Variants in LPP observed in about 807,000 individuals in gnomAD.
LPP encodes the protein LIM domain containing preferred translocation partner in lipoma, also known as lipoma-preferred partner.
LPP carries 38 observed loss-of-function variants against 60.4 expected under a neutral mutation model. The ratio of observed to expected loss-of-function variants is 0.63; its 90% CI spans 0.49 to 0.83. LPP has a LOEUF of 0.83. Ranked by LOEUF, LPP falls within the 40% of genes least tolerant of loss-of-function variation. The pLI is 0.00. For missense variants in LPP, 902 were observed against 783.6 expected (o/e 1.15, Z -1.80); for synonymous variants, 328 against 290.8 (o/e 1.13, Z -1.30).
chr3:188,754,061 A>C (rs545054094), intron 8 of LPP, among the ~76,000 whole-genome samples: 1 of 152,214 alleles, frequency 6.6e-6, no homozygotes, highest in African/African-American at 2.4e-5. Flanking sequence ...GTGAGAACTC[A>C]GTTTGATGTA....
In LPP at chr3:188,876,642, A is replaced by G. The variant is rs1281023953; in HGVS notation, c.*2163A>G. 5.1e-6 allele frequency: 1 copy of G among 196,730 alleles called. No homozygotes were observed. Among genetic ancestry groups the G allele is most frequent in the African/African-American group, 2.3e-5 (1 of 43,278 alleles). 12.2% of individuals were successfully genotyped at this position (196,730 alleles called of 1,614,324 possible). ...TTGAATTTTGACTTAGTAACTTTTT[A>G]TGTAATACTTTCGGAGAAATTCTCT... On this transcript the variant is annotated 3_prime_UTR_variant, in exon 12 of 12. Coordinates refer to ENST00000617246, the MANE Select transcript of LPP (RefSeq NM_001375462.1).
intron 4 of LPP, among the ~76,000 whole-genome samples, chr3:188,462,584 ATGCATGTGTG>A (rs1406275770): frequency 7.5e-4 from 15 of 20,042 alleles, no homozygotes; most frequent in Non-Finnish European, 1.1e-3. Flanking sequence ...ATATATATAT[ATGCATGTGTG>A]TGTGTGTGTG....
intron 8 of LPP, among the ~76,000 whole-genome samples, chr3:188,753,041 A>G (rs1281650459): frequency 1.3e-5 from 2 of 152,214 alleles, no homozygotes; most frequent in Non-Finnish European, 2.9e-5. Flanking sequence ...ATACTGATAT[A>G]GGTCAGAGTT....
chr3:188,299,184 G>A (rs1230440802), intron 2 of LPP, among the ~76,000 whole-genome samples: 1 of 152,162 alleles, frequency 6.6e-6, no homozygotes, highest in African/African-American at 2.4e-5. Context: ...CTCTCCCTGG[G>A]CTTTTTTGTG....
intron 10 of LPP, among the ~76,000 whole-genome samples, chr3:188,868,659 A>G (rs12632821): frequency 0.73 from 111,328 of 152,188 alleles, 41,908 homozygotes; most frequent in East Asian, 1. Flanking sequence ...CAAAGCAGCT[A>G]AAAGTCCAGC....
intron 3 of LPP, among the ~76,000 whole-genome samples, chr3:188,353,103 T>A (rs1327620679): frequency 1.3e-5 from 2 of 152,214 alleles, no homozygotes; most frequent in Non-Finnish European, 2.9e-5. Context: ...CATGCTTTTT[T>A]TGGAGTACTG....
At chr3:188,229,087 C>G (rs1406590582) in intron 2 of LPP, among the ~76,000 whole-genome samples, 2 of 152,206 alleles carry the variant, frequency 1.3e-5, no homozygotes, top group Non-Finnish European at 2.9e-5. Context: ...AGTCCTGCAG[C>G]TAGATCTGCA....
At chr3:188,515,962 A>G (rs2150084744) in intron 5 of LPP, among the ~76,000 whole-genome samples, 1 of 152,352 alleles carries the variant, frequency 6.6e-6, no homozygotes, top group South Asian at 2.1e-4. Context: ...AAGGTTGGGT[A>G]TCATGGCTTT....
intron 6 of LPP, among the ~76,000 whole-genome samples, chr3:188,565,928 G>C (rs573354863): frequency 6.6e-6 from 1 of 151,914 alleles, no homozygotes; most frequent in African/African-American, 2.4e-5. Context: ...TCTATTTACC[G>C]TAAAGAGAGG....
chr3:188,800,718 C>T (rs1382035875), intron 9 of LPP, among the ~76,000 whole-genome samples: 4 of 152,080 alleles, frequency 2.6e-5, no homozygotes, highest in Non-Finnish European at 5.9e-5. Flanking sequence ...TGAGCATGTT[C>T]CATCTTTTAA....
intron 9 of LPP, among the ~76,000 whole-genome samples, chr3:188,804,245 A>T (rs1365362129): frequency 3.7e-4 from 19 of 52,000 alleles, no homozygotes; most frequent in African/African-American, 1.2e-3. Context: ...GTGCATCTTT[A>T]TATATATATA....
chr3:188,887,533 T>A lies in LPP; in HGVS notation c.*13054T>A, dbSNP rs1484459509. 20 of 216,410 alleles carry A rather than the reference T, an allele frequency of 9.2e-5. No homozygotes were observed. The Admixed American group carries it at 9.3e-4, about 10-fold the overall frequency. The allele number at this position is 216,410 out of a possible 1,614,324, so 13.4% of individuals were successfully genotyped here. On this transcript the variant is annotated 3_prime_UTR_variant, in exon 12 of 12. Coordinates refer to ENST00000617246, the MANE Select transcript of LPP (RefSeq NM_001375462.1). ...CAAATAATAAATGGGGAGTTGGTATTTGGGCAGAGTTTGCATTTTACTAAT... is the reference window on the plus strand; with the variant it reads ...CAAATAATAAATGGGGAGTTGGTATATGGGCAGAGTTTGCATTTTACTAAT...
chr3:188,864,470 G>C (rs1352887126), intron 9 of LPP, among the ~76,000 whole-genome samples: 1 of 152,210 alleles, frequency 6.6e-6, no homozygotes, highest in Non-Finnish European at 1.5e-5. Context: ...TTAAAGTCTG[G>C]TAGAGGAAAT....
At chr3:188,844,776 G>A (rs115304268) in intron 9 of LPP, among the ~76,000 whole-genome samples, 3,987 of 152,288 alleles carry the variant, frequency 0.026, 88 homozygotes, top group Middle Eastern at 0.099. Context: ...TGGCTACATT[G>A]CCTGGACTTT....
intron 7 of LPP, among the ~76,000 whole-genome samples, chr3:188,707,157 T>A (rs1411302814): frequency 6.6e-6 from 1 of 152,172 alleles, no homozygotes; most frequent in Admixed American, 6.6e-5. Flanking sequence ...ATTTATTTTT[T>A]AATTTTTTTT....
chr3:188,184,341 A>G (rs762538854), intron 1 of LPP, among the ~76,000 whole-genome samples: 2 of 152,124 alleles, frequency 1.3e-5, no homozygotes, highest in Non-Finnish European at 2.9e-5. Context: ...GAACTTTCCC[A>G]CAAGGAGCTC....
intron 1 of LPP, among the ~76,000 whole-genome samples, chr3:188,204,859 A>C (rs183514935): frequency 4.8e-4 from 73 of 152,338 alleles, no homozygotes; most frequent in Admixed American, 4.3e-3. Flanking sequence ...TGAGTTTCAA[A>C]GATTTCTGAG....
At chr3:188,377,877 G>A (rs915763524) in intron 3 of LPP, among the ~76,000 whole-genome samples, 23 of 152,040 alleles carry the variant, frequency 1.5e-4, no homozygotes, top group Non-Finnish European at 2.8e-4. Flanking sequence ...CATACAGGTG[G>A]GTTTTTGGTG....
chr3:188,456,141 C>T (rs1797686440), intron 4 of LPP, among the ~76,000 whole-genome samples: 1 of 152,170 alleles, frequency 6.6e-6, no homozygotes, highest in Admixed American at 6.5e-5. Flanking sequence ...CTTTCGCCTC[C>T]CCAACCACTG....
Sources: allele counts gnomAD v4.1 joint callset (sites outside exome capture counted in the v4.1 genomes callset), GRCh38; gene constraint gnomAD v4.1.1; transcripts MANE v1.5; gene names NCBI Gene and HGNC (gene_info 2026-07-23, HGNC 2026-07-21).